ROBO2: variants seen among roughly 807,000 people sequenced by gnomAD.
ROBO2 encodes roundabout guidance receptor 2, also known as roundabout homolog 2.
ROBO2 carries 53 observed loss-of-function variants against 160.8 expected under a neutral mutation model. The observed-to-expected ratio is 0.33, with a 90% CI of 0.26 to 0.41. The LOEUF (loss-of-function observed/expected upper bound fraction) is 0.41. ROBO2 is among the 10% of genes least tolerant of loss of function. The pLI is 1.00. For missense variants in ROBO2, 1,577 were observed against 1,722.4 expected, an observed-to-expected ratio of 0.92 and a Z score of 1.49; for synonymous variants, 664 against 611.7, an observed-to-expected ratio of 1.09 and a Z score of -1.26.
chr3:77,219,484 A>ATATATATAT (rs10654898), intron 2 of ROBO2, among the ~76,000 whole-genome samples: 1 of 90,708 alleles, frequency 1.1e-5, no homozygotes, highest in African/African-American at 3.8e-5. Context: ...ATATATATAT[A>ATATATATAT]ATCTGTATAT....
At chr3:77,588,998 G>A in intron 17 of ROBO2, 65 bp downstream of exon 18, 3 of 1,566,466 alleles carry the variant, frequency 1.9e-6, no homozygotes, top group Non-Finnish European at 2.6e-6. Context: ...TGAATGGAAG[G>A]AACAGAAAGG....
chr3:77,290,227 G>C (rs1311456744), intron 2 of ROBO2, among the ~76,000 whole-genome samples: 2 of 144,316 alleles, frequency 1.4e-5, no homozygotes, highest in Admixed American at 7.0e-5. Flanking sequence ...GATCACCCCA[G>C]ACATAAAGTA....
chr3:76,268,744 C>A (rs1400236), intron 2 of ROBO2, among the ~76,000 whole-genome samples: 4 of 152,146 alleles, frequency 2.6e-5, no homozygotes, highest in Admixed American at 2.0e-4. Flanking sequence ...ATCATCATTT[C>A]CTCCTCTCTT....
intron 2 of ROBO2, among the ~76,000 whole-genome samples, chr3:76,606,542 G>C (rs544782737): frequency 6.6e-6 from 1 of 152,270 alleles, no homozygotes; most frequent in South Asian, 2.1e-4. Flanking sequence ...GAACAGGAGA[G>C]ATGTGTCTCA....
At chr3:77,266,952 T>C (rs1233332465) in intron 2 of ROBO2, among the ~76,000 whole-genome samples, 1 of 152,164 alleles carries the variant, frequency 6.6e-6, no homozygotes, top group Admixed American at 6.6e-5. Context: ...TCCAATTACA[T>C]AGCTACCAAC....
intron 1 of ROBO2, among the ~76,000 whole-genome samples, chr3:77,087,666 T>C (rs2069505264): frequency 6.6e-6 from 1 of 151,934 alleles, no homozygotes; most frequent in Non-Finnish European, 1.5e-5. Context: ...AAATTTATCT[T>C]CAATATTATA....
chr3:76,794,110 A>C (rs1416029514), intron 2 of ROBO2, among the ~76,000 whole-genome samples: 1 of 151,970 alleles, frequency 6.6e-6, no homozygotes, highest in Non-Finnish European at 1.5e-5. Flanking sequence ...AAAAGTTTCA[A>C]ATAAAAACGT....
chr3:76,698,419 G>A (rs1316263640), intron 2 of ROBO2, among the ~76,000 whole-genome samples: 1 of 152,154 alleles, frequency 6.6e-6, no homozygotes, highest in Non-Finnish European at 1.5e-5. Flanking sequence ...TCTGGAAGGG[G>A]GTGGGGGAGC....
At chr3:76,997,822 G>T (rs746296873) in intron 2 of ROBO2, among the ~76,000 whole-genome samples, 3 of 152,064 alleles carry the variant, frequency 2.0e-5, no homozygotes, top group African/African-American at 4.8e-5. Context: ...TCTGATCTAG[G>T]CAGGGCTTGC....
chr3:77,043,614 C>T (rs1559890308), intron 1 of ROBO2, among the ~76,000 whole-genome samples: 1 of 152,094 alleles, frequency 6.6e-6, no homozygotes, highest in Non-Finnish European at 1.5e-5. Flanking sequence ...CTAGACTTTT[C>T]TGTATGATCA....
At chr3:76,963,137 G>T (rs985317511) in intron 2 of ROBO2, among the ~76,000 whole-genome samples, 2 of 133,262 alleles carry the variant, frequency 1.5e-5, no homozygotes, top group African/African-American at 5.8e-5. Context: ...AAAACACAAT[G>T]TTCTGGTCCC....
chr3:76,918,803 A>G (rs1169111759), intron 2 of ROBO2, among the ~76,000 whole-genome samples: 3 of 152,176 alleles, frequency 2.0e-5, no homozygotes, highest in Non-Finnish European at 2.9e-5. Flanking sequence ...AAGCATTCCT[A>G]TTTCTCCACA....
chr3:76,165,924 T>G (rs1238818285), intron 2 of ROBO2, among the ~76,000 whole-genome samples: 1 of 152,098 alleles, frequency 6.6e-6, no homozygotes, highest in East Asian at 1.9e-4. Context: ...AGAACACAAT[T>G]CATTCATCAA....
intron 5 of ROBO2, among the ~76,000 whole-genome samples, chr3:77,518,982 A>G (rs1259705379): frequency 6.6e-6 from 1 of 151,510 alleles, no homozygotes; most frequent in East Asian, 1.9e-4. Flanking sequence ...ATAGTTTTAC[A>G]ATCTGTATCT....
chr3:77,190,778 T>C (rs1288527130), intron 2 of ROBO2, among the ~76,000 whole-genome samples: 2 of 152,110 alleles, frequency 1.3e-5, no homozygotes, highest in Non-Finnish European at 1.5e-5. Flanking sequence ...ATGTGAAGTC[T>C]GTATACAAAA....
At chr3:77,274,973 C>T (rs147758024) in intron 2 of ROBO2, among the ~76,000 whole-genome samples, 3 of 152,040 alleles carry the variant, frequency 2.0e-5, no homozygotes, top group African/African-American at 7.2e-5. Flanking sequence ...GGATAACATT[C>T]TTTTGGGTAC....
At position 76,457,127 on chromosome 3, in the gene ROBO2, C is replaced by A. The variant is rs1191790377; in HGVS notation, c.109+519525C>A. 3.3e-5 allele frequency among the ~76,000 whole-genome samples: 5 copies of A among 152,116 alleles called. No individual in the cohort carries two copies. The East Asian group carries it at 9.6e-4, about 29-fold the overall frequency. On this transcript the variant is annotated intron_variant, in intron 2 of 26. Transcript: ENST00000487694. Reference sequence around the variant, plus strand: ...CCAACCATGCCTTCCTAGTAGTCCCCCAAAGTCTTAACTAATTTCACCATT... The same window carrying A: ...CCAACCATGCCTTCCTAGTAGTCCCACAAAGTCTTAACTAATTTCACCATT...
intron 2 of ROBO2, among the ~76,000 whole-genome samples, chr3:77,119,866 A>G (rs545984873): frequency 5.9e-5 from 9 of 152,322 alleles, no homozygotes; most frequent in African/African-American, 1.4e-4. Flanking sequence ...GCACATTGAC[A>G]TTGTCCAGTT....
At chr3:76,003,279 A>G (rs560363635) in intron 2 of ROBO2, among the ~76,000 whole-genome samples, 6 of 152,302 alleles carry the variant, frequency 3.9e-5, no homozygotes, top group Middle Eastern at 3.4e-3. Context: ...ATATTCCTCA[A>G]TATCTCATAT....
Sources: allele counts gnomAD v4.1 joint callset (sites outside exome capture counted in the v4.1 genomes callset), GRCh38; gene constraint gnomAD v4.1.1; transcripts MANE v1.5; gene names NCBI Gene and HGNC (gene_info 2026-07-23, HGNC 2026-07-21).